The following COL17A1 variants were observed in gnomAD, a reference collection of about 807,000 sequenced individuals.
The protein encoded by COL17A1 is collagen type XVII alpha 1 chain.
A neutral mutation model predicts 218.4 loss-of-function variants in COL17A1; 181 were observed. The observed-to-expected ratio is 0.83, with a 90% CI of 0.73 to 0.94. The LOEUF is 0.94. Among genes scored for constraint, COL17A1 ranks in the 40% least tolerant of loss-of-function variants. The probability of loss-of-function intolerance (pLI) is 0.00; values close to 1 mark genes in which losing one functional copy is unlikely to be tolerated. For synonymous variants in COL17A1, 721 were observed against 731.0 expected (o/e 0.99, Z 0.22); for missense variants, 1,924 against 1,945.9 (o/e 0.99, Z 0.21).
Position 104,084,900 on chromosome 10 carries a change from T to C in COL17A1, c.-12+823A>G, listed in dbSNP as rs17116475. On this transcript the variant is annotated intron_variant, in intron 1 of 55. Coordinates refer to ENST00000648076, the MANE Select transcript of COL17A1 (RefSeq NM_000494.4). ...ACAAGTCCACTATTAGACTACTGAT[T>C]AACTACTTCTCAAAAGAAGGAATGT... Among the ~76,000 whole-genome samples, 84 of 152,342 alleles carry C rather than the reference T, an allele frequency of 5.5e-4. 1 individual carries two copies. In the East Asian group the frequency reaches 0.015, roughly 28 times the overall value.
At chr10:104,073,604 T>C (rs1378240103) in intron 6 of COL17A1, among the ~76,000 whole-genome samples, 2 of 152,236 alleles carry the variant, frequency 1.3e-5, no homozygotes, top group African/African-American at 2.4e-5. Flanking sequence ...TTTGATTTTT[T>C]ATTCGAGACT....
rs2134561054 is a variant in COL17A1, at chr10:104,033,240, T to C, written c.4292A>G (p.Gln1431Arg). ...NVTADLMDFF[Q>R]TYGAIQGPPG... Reference sequence around the variant, plus strand: ...GGAAAGCAGTTGGATGCCCTTACTTTGGAAGAAGTCCATGAGGTCCGCAGT... The same window carrying C: ...GGAAAGCAGTTGGATGCCCTTACTTCGGAAGAAGTCCATGAGGTCCGCAGT... Residue 1431 changes from glutamine (Q) to arginine (R), a missense_variant and splice_region_variant, in exon 53 of 56, where the codon CAA becomes CGA. Gln to Arg is a conservative substitution (Grantham distance 43). Transcript: ENST00000648076. 6.3e-7 allele frequency: 1 copy of C among 1,584,224 alleles called. No individual in the cohort carries two copies. Among genetic ancestry groups the C allele is most frequent in the Non-Finnish European group, 8.6e-7 (1 of 1,165,062 alleles).
intron 18 of COL17A1, 151 bp downstream of exon 18, chr10:104,055,631 C>A: frequency 8.1e-7 from 1 of 1,239,518 alleles, no homozygotes; most frequent in Non-Finnish European, 1.1e-6. Context: ...TTGGTCCCAC[C>A]TACCTCTCAG....
At chr10:104,058,971 T>C (rs1188510509) in intron 15 of COL17A1, among the ~76,000 whole-genome samples, 1 of 150,318 alleles carries the variant, frequency 6.7e-6, no homozygotes, top group African/African-American at 2.4e-5. Context: ...GAAAGTTGAG[T>C]GTTTGTGGGC....
intron 1 of COL17A1, among the ~76,000 whole-genome samples, chr10:104,084,522 T>C (rs186449492): frequency 1.4e-4 from 22 of 152,310 alleles, no homozygotes; most frequent in African/African-American, 4.1e-4. Flanking sequence ...TAGTATAATA[T>C]GAGTGTGCAC....
chr10:104,033,819 C>T, intron 52 of COL17A1, 126 bp downstream of exon 52: 2 of 1,420,270 alleles, frequency 1.4e-6, no homozygotes, highest in Non-Finnish European at 1.9e-6. Context: ...GGCTGCCTGT[C>T]CCCTCCAGCC....
In COL17A1 at chr10:104,049,347, C is replaced by T. The variant is rs553047067; in HGVS notation, c.2227+62G>A. ...AGGCAGCTCTAGAAGACGGATCTCT[C>T]CAGGGTCGTGGTGACCCCTCAGATG... On this transcript the variant is annotated intron_variant, in intron 29 of 55. Coordinates refer to ENST00000648076, the MANE Select transcript of COL17A1 (RefSeq NM_000494.4). 7.0e-5 allele frequency: 105 copies of T among 1,497,172 alleles called. 1 individual carries two copies. Among genetic ancestry groups the T allele is most frequent in the Middle Eastern group, 3.4e-4 (2 of 5,920 alleles). 92.7% of individuals were successfully genotyped at this position (1,497,172 alleles called of 1,614,324 possible).
chr10:104,078,126 T>G (rs1005674627), intron 3 of COL17A1, among the ~76,000 whole-genome samples: 5 of 152,116 alleles, frequency 3.3e-5, no homozygotes, highest in East Asian at 3.9e-4. Flanking sequence ...GAAAAAAAAG[T>G]AGCCTCAACC....
At chr10:104,084,484 A>G (rs932688955) in intron 1 of COL17A1, among the ~76,000 whole-genome samples, 9 of 151,926 alleles carry the variant, frequency 5.9e-5, no homozygotes, top group Admixed American at 1.3e-4. Flanking sequence ...TAATTTTTGT[A>G]TTTTTGTATT....
At chr10:104,076,066 G>C (rs560627159) in intron 5 of COL17A1, among the ~76,000 whole-genome samples, 1 of 152,208 alleles carries the variant, frequency 6.6e-6, no homozygotes, top group Non-Finnish European at 1.5e-5. Context: ...CGCATAGCAG[G>C]TACTGGATAA....
chr10:104,036,689 T>TGGCTGC, intron 47 of COL17A1, 57 bp from the exon 48 acceptor site: 1 of 1,602,804 alleles, frequency 6.2e-7, no homozygotes. Flanking sequence ...GTCGCAGCCA[T>TGGCTGC]GATCCAGCCA....
chr10:104,036,187 AGT>A (rs150057929), intron 48 of COL17A1, among the ~76,000 whole-genome samples: 13 of 2,616 alleles, frequency 5.0e-3, no homozygotes, highest in East Asian at 0.013. Context: ...TATGGAAGTG[AGT>A]GTGTGTGTGT....
rs1300117332 is a variant in COL17A1 at position 104,053,924 on chromosome 10, GCTGCCT to G, written c.1824_1829del (p.Lys608_Ser610delinsAsn). The G allele has an allele frequency of 6.4e-7, 1 of 1,571,230 alleles. No homozygotes were observed. The highest frequency in any genetic ancestry group is 1.7e-5 in the Admixed American group (1 of 59,884). On this transcript the variant is annotated inframe_deletion, in exon 22 of 56. Coordinates refer to ENST00000648076, the MANE Select transcript of COL17A1 (RefSeq NM_000494.4). ...AAAGAAAAATGTGTTTCTTACCCAC[GCTGCCT>G]TTTTGACCCTTTGGTCCTTGTGGAC...
chr10:104,072,008 T>C, intron 8 of COL17A1, 24 bp downstream of exon 8: 3 of 1,614,064 alleles, frequency 1.9e-6, no homozygotes, highest in Admixed American at 1.7e-5. Flanking sequence ...ACCCTTTCTT[T>C]TCAGCAAGAT....
In COL17A1 at chr10:104,080,659, C is replaced by G; in HGVS notation, c.15G>C (p.Lys5Asn). 1.2e-6 allele frequency: 2 copies of G among 1,613,188 alleles called. No individual in the cohort carries two copies. Among genetic ancestry groups the G allele is most frequent in the Non-Finnish European group, 8.5e-7 (1 of 1,179,956 alleles). Reference sequence around the variant, plus strand: ...CTTCAGTTCCATCTCGTTTGTTTTTCTTGGTTACATCCATACCATAGCCAC... The same window carrying G: ...CTTCAGTTCCATCTCGTTTGTTTTTGTTGGTTACATCCATACCATAGCCAC... MDVT[K>N]KNKRDGTEVT... is the part of the protein sequence containing the mutation. The change falls in exon 2 of 56, where the codon AAG (lysine) becomes AAC (asparagine). Residue 5 changes from lysine (K) to asparagine (N), a missense_variant. Transcript: ENST00000648076.
intron 1 of COL17A1, among the ~76,000 whole-genome samples, chr10:104,085,380 G>C (rs767556205): frequency 1.1e-4 from 16 of 152,222 alleles, no homozygotes; most frequent in Non-Finnish European, 2.1e-4. Flanking sequence ...ACTGAGATTG[G>C]GAGAGAAGGA....
At chr10:104,037,940 T>A (rs1229742006) in intron 45 of COL17A1, among the ~76,000 whole-genome samples, 167 bp from the exon 46 acceptor site, 1 of 151,396 alleles carries the variant, frequency 6.6e-6, no homozygotes, top group Non-Finnish European at 1.5e-5. Context: ...TCCCCTAAAT[T>A]ACAGATGGAG....
At chr10:104,053,209 C>T (rs772117000) in intron 22 of COL17A1, 74 bp from the exon 23 acceptor site, 59 of 1,545,262 alleles carry the variant, frequency 3.8e-5, no homozygotes, top group East Asian at 3.1e-4. Flanking sequence ...CAGCCTCCCA[C>T]GGCAGACGCT....
chr10:104,062,108 A>G (rs956893594), intron 12 of COL17A1, 150 bp downstream of exon 12: 2 of 1,213,936 alleles, frequency 1.6e-6, no homozygotes, highest in African/African-American at 3.0e-5. Context: ...TGAGCCAGTT[A>G]ATGATCAAGA....
Sources: allele counts gnomAD v4.1 joint callset (sites outside exome capture counted in the v4.1 genomes callset), GRCh38; gene constraint gnomAD v4.1.1; transcripts MANE v1.5; gene names NCBI Gene and HGNC (gene_info 2026-07-23, HGNC 2026-07-21).